COL8A1: variants seen among roughly 807,000 people sequenced by gnomAD.
The protein encoded by COL8A1 is collagen type VIII alpha 1 chain, also known as collagen alpha-1(VIII) chain.
COL8A1 carries 21 observed loss-of-function variants against 42.7 expected under a neutral mutation model. That is an observed-to-expected ratio of 0.49 (90% CI 0.35 to 0.71). COL8A1 has a LOEUF of 0.71. Among genes scored for constraint, COL8A1 ranks in the 30% least tolerant of loss-of-function variants. COL8A1 has a pLI of 0.01. For missense variants in COL8A1, 788 were observed against 962.4 expected, an observed-to-expected ratio of 0.82 and a Z score of 2.40; for synonymous variants, 367 against 369.1, an observed-to-expected ratio of 0.99 and a Z score of 0.06.
chr3:99,713,821 G>A (rs191512993), intron 1 of COL8A1, among the ~76,000 whole-genome samples: 18 of 152,220 alleles, frequency 1.2e-4, no homozygotes, highest in Admixed American at 6.5e-4. Flanking sequence ...TTTTAACAGT[G>A]TTCTATTGAG....
chr3:99,791,513 A>G (rs1010162994), intron 3 of COL8A1, among the ~76,000 whole-genome samples: 2 of 152,388 alleles, frequency 1.3e-5, no homozygotes, highest in Middle Eastern at 3.4e-3. Flanking sequence ...CTCTAATTAC[A>G]TATGTCAATC....
intron 1 of COL8A1, among the ~76,000 whole-genome samples, chr3:99,685,814 C>T (rs183697132): frequency 6.6e-6 from 1 of 152,240 alleles, no homozygotes; most frequent in East Asian, 1.9e-4. Context: ...CATGGCAGTT[C>T]TCTGTGATTA....
chr3:99,685,925 T>C (rs1939036666), intron 1 of COL8A1, among the ~76,000 whole-genome samples: 1 of 152,330 alleles, frequency 6.6e-6, no homozygotes, highest in East Asian at 1.9e-4. Context: ...TATTTTTATC[T>C]TTGTTGTTTT....
At chr3:99,746,424 C>T (rs146767362) in intron 2 of COL8A1, among the ~76,000 whole-genome samples, 1 of 152,236 alleles carries the variant, frequency 6.6e-6, no homozygotes, top group Non-Finnish European at 1.5e-5. Context: ...CTGAACTCAA[C>T]CCAGAGAAAC....
intron 1 of COL8A1, among the ~76,000 whole-genome samples, chr3:99,738,186 C>G (rs1559623432): frequency 6.6e-6 from 1 of 152,202 alleles, no homozygotes; most frequent in African/African-American, 2.4e-5. Context: ...TCCCATAGCT[C>G]AGAGTAATTT....
At chr3:99,755,855 G>T (rs968348541) in intron 2 of COL8A1, among the ~76,000 whole-genome samples, 1 of 152,156 alleles carries the variant, frequency 6.6e-6, no homozygotes, top group Non-Finnish European at 1.5e-5. Context: ...CTTAGGTCTT[G>T]CAGGCTGTGG....
chr3:99,643,232 G>A (rs114385129), intron 1 of COL8A1, among the ~76,000 whole-genome samples: 2 of 152,244 alleles, frequency 1.3e-5, no homozygotes, highest in African/African-American at 4.8e-5. Flanking sequence ...TGAGCATTCC[G>A]TAGGCACTTA....
chr3:99,717,878 T>A (rs905363287), intron 1 of COL8A1, among the ~76,000 whole-genome samples: 1 of 152,052 alleles, frequency 6.6e-6, no homozygotes, highest in Non-Finnish European at 1.5e-5. Context: ...AAATATTTTA[T>A]TATTGTTCTT....
chr3:99,796,172 T>C lies in COL8A1; in HGVS notation c.*36T>C, dbSNP rs775293123. ...ACAAAAAACAAAGAAAAGAAAGAGA[T>C]TTTATAGAAGAAAATGACACACCAA... On this transcript the variant is annotated 3_prime_UTR_variant, in exon 4 of 4. Transcript: ENST00000652472. 3 of 1,422,896 alleles carry C rather than the reference T, an allele frequency of 2.1e-6. No homozygotes were observed. Among genetic ancestry groups the C allele is most frequent in the Admixed American group, 5.0e-5 (2 of 40,244 alleles). 88.1% of individuals were successfully genotyped at this position (1,422,896 alleles called of 1,614,324 possible).
intron 1 of COL8A1, among the ~76,000 whole-genome samples, chr3:99,699,613 T>G (rs927547603): frequency 6.6e-6 from 1 of 152,206 alleles, no homozygotes; most frequent in Non-Finnish European, 1.5e-5. Flanking sequence ...TAGGCTTTAT[T>G]TTACTCTCTC....
intron 2 of COL8A1, among the ~76,000 whole-genome samples, chr3:99,765,935 T>C (rs1382785252): frequency 6.6e-6 from 1 of 152,242 alleles, no homozygotes; most frequent in Non-Finnish European, 1.5e-5. Context: ...ACAGGTATTT[T>C]CTTTCTTAGG....
chr3:99,768,359 G>A (rs994513922), intron 2 of COL8A1, among the ~76,000 whole-genome samples: 7 of 152,138 alleles, frequency 4.6e-5, no homozygotes, highest in Non-Finnish European at 8.8e-5. Flanking sequence ...CACACTAAGA[G>A]CTCTCATTTA....
chr3:99,680,847 C>G (rs1424758511), intron 1 of COL8A1, among the ~76,000 whole-genome samples: 1 of 151,750 alleles, frequency 6.6e-6, no homozygotes, highest in Non-Finnish European at 1.5e-5. Flanking sequence ...CATCTACAAC[C>G]ATCTGATCTC....
chr3:99,770,808 A>C (rs1215226603), intron 2 of COL8A1, among the ~76,000 whole-genome samples: 1 of 152,228 alleles, frequency 6.6e-6, no homozygotes, highest in Non-Finnish European at 1.5e-5. Context: ...TCTCTTGCAG[A>C]GTTTAAAAAC....
chr3:99,638,912 C>T (rs1937448026), intron 1 of COL8A1, among the ~76,000 whole-genome samples: 1 of 152,176 alleles, frequency 6.6e-6, no homozygotes, highest in African/African-American at 2.4e-5. Context: ...ACTTTTTCTC[C>T]TGTTGCTGAC....
At chr3:99,740,266 T>C (rs902417755) in intron 1 of COL8A1, among the ~76,000 whole-genome samples, 3 of 152,338 alleles carry the variant, frequency 2.0e-5, no homozygotes, top group South Asian at 2.1e-4. Context: ...CTCTGCCTGT[T>C]TCCCAGTTCC....
chr3:99,780,874 C>A (rs1408382710), intron 2 of COL8A1, among the ~76,000 whole-genome samples: 3 of 152,160 alleles, frequency 2.0e-5, no homozygotes, highest in Non-Finnish European at 4.4e-5. Context: ...ATAAATTCCA[C>A]CCCTTAAATA....
chr3:99,791,961 T>C (rs913081724), intron 3 of COL8A1, among the ~76,000 whole-genome samples: 1 of 152,148 alleles, frequency 6.6e-6, no homozygotes, highest in African/African-American at 2.4e-5. Flanking sequence ...CCATAGGAAA[T>C]TGGAGTTGCT....
At chr3:99,784,285 T>C (rs1459809505) in intron 2 of COL8A1, among the ~76,000 whole-genome samples, 1 of 152,202 alleles carries the variant, frequency 6.6e-6, no homozygotes, top group East Asian at 1.9e-4. Flanking sequence ...AGTAAAATAA[T>C]CAATCATATA....
Sources: gnomAD v4.1 joint callset for allele counts (sites outside exome capture counted in the v4.1 genomes callset) on GRCh38, gnomAD v4.1.1 for gene constraint, MANE v1.5 for transcripts, NCBI Gene and HGNC (gene_info 2026-07-23, HGNC 2026-07-21) for gene names.